ANGPTL5: variants seen among roughly 807,000 people sequenced by gnomAD.
ANGPTL5 encodes the protein angiopoietin-related protein 5.
In ANGPTL5, 34 loss-of-function variants were observed where a neutral mutation model predicts 39.4. The ratio of observed to expected loss-of-function variants is 0.86; its 90% CI spans 0.66 to 1.15. The LOEUF is 1.15. Ranked by LOEUF, ANGPTL5 falls within the 50% of genes most tolerant of loss-of-function variation. ANGPTL5 has a pLI of 0.00. For synonymous variants in ANGPTL5, 146 were observed against 152.1 expected (o/e 0.96, Z 0.29); for missense variants, 467 against 457.5 (o/e 1.02, Z -0.19).
Position 101,902,632 on chromosome 11 carries a change from A to G in ANGPTL5, c.529T>C (p.Tyr177His), listed in dbSNP as rs761782379. 1 of 1,602,204 alleles carries G rather than the reference A, an allele frequency of 6.2e-7. No homozygotes were observed. The highest frequency in any genetic ancestry group is 8.5e-7 in the Non-Finnish European group (1 of 1,169,922). Residue 177 changes from tyrosine to histidine, a missense_variant, in exon 6 of 9, where the codon TAC (tyrosine) becomes CAC (histidine). Tyr to His is a moderately conservative substitution (Grantham distance 83). Transcript: ENST00000334289. ...AATACGGGAAATACCTCAAATGGGT[A>G]GCTAGATCCTTCTGGGTGAATTATG... ...LYIIHPEGSS[Y>H]PFEVMCDMDY...
intron 1 of ANGPTL5, among the ~76,000 whole-genome samples, 183 bp downstream of exon 1, chr11:101,915,836 C>G (rs1361615056): frequency 2.6e-5 from 4 of 152,198 alleles, no homozygotes. Context: ...GTTATCCTAA[C>G]ACAGCCCTAA....
intron 7 of ANGPTL5, among the ~76,000 whole-genome samples, chr11:101,898,487 T>C (rs117545793): frequency 0.027 from 4,186 of 152,300 alleles, 69 homozygotes; most frequent in Middle Eastern, 0.034. Flanking sequence ...TTTTTACACA[T>C]TGATGTTGTG....
At chr11:101,897,424 T>C (rs141741604) in intron 7 of ANGPTL5, among the ~76,000 whole-genome samples, 3,270 of 152,286 alleles carry the variant, frequency 0.021, 110 homozygotes, top group African/African-American at 0.075. Context: ...TCATGAAGTC[T>C]TTGCCCATGC....
At chr11:101,893,841 A>G (rs1034303077) in intron 8 of ANGPTL5, among the ~76,000 whole-genome samples, 2 of 152,192 alleles carry the variant, frequency 1.3e-5, no homozygotes, top group African/African-American at 2.4e-5. Context: ...TCTGTGACCT[A>G]TAATTTTCCT....
At chr11:101,898,470 C>T (rs1193915871) in intron 7 of ANGPTL5, among the ~76,000 whole-genome samples, 1 of 152,066 alleles carries the variant, frequency 6.6e-6, no homozygotes, top group Admixed American at 6.6e-5. Context: ...TATAGGAATT[C>T]TTATGATTTT....
At position 101,900,361 on chromosome 11, in the gene ANGPTL5, A is replaced by G. The variant is rs149078730; in HGVS notation, c.661+69T>C. On this transcript the variant is annotated intron_variant, in intron 7 of 8. Transcript: ENST00000334289. ...TGCTATTTTTACTACAGATCTGACCAATAGAGGCTCTATAGATATAATATC... is the reference window on the plus strand; with the variant it reads ...TGCTATTTTTACTACAGATCTGACCGATAGAGGCTCTATAGATATAATATC... 66 of 1,489,944 alleles carry G rather than the reference A, an allele frequency of 4.4e-5. No homozygotes were observed. The African/African-American group carries it at 8.4e-4, about 19-fold the overall frequency. The allele number at this position is 1,489,944 out of a possible 1,614,324, so 92.3% of individuals were successfully genotyped here.
intron 1 of ANGPTL5, among the ~76,000 whole-genome samples, chr11:101,912,032 C>G (rs1940099712): frequency 6.6e-6 from 1 of 152,216 alleles, no homozygotes; most frequent in South Asian, 2.1e-4. Context: ...GTCTCTATCC[C>G]CCTTCACTAT....
Position 101,895,129 on chromosome 11 carries a change from ATGTT to A in ANGPTL5, c.662-69_662-66del, listed in dbSNP as rs1489806742. On this transcript the variant is annotated intron_variant, in intron 7 of 8. Coordinates refer to ENST00000334289, the MANE Select transcript of ANGPTL5 (RefSeq NM_178127.5). ...AATTAGAATAATGGTTTATTATTGAATGTTTGGTCTTGTTTAGCATTTCAAAAAC... is the reference window on the plus strand; with the variant it reads ...AATTAGAATAATGGTTTATTATTGAATGGTCTTGTTTAGCATTTCAAAAAC... 11 of 1,301,560 alleles carry A rather than the reference ATGTT, an allele frequency of 8.5e-6. No homozygotes were observed. In the African/African-American group the frequency reaches 1.5e-4, roughly 18 times the overall value. 80.6% of individuals were successfully genotyped at this position (1,301,560 alleles called of 1,614,324 possible). A position where few individuals can be genotyped will look rare whatever the true frequency, so the allele number is the denominator to read the frequency against.
intron 7 of ANGPTL5, 115 bp downstream of exon 7, chr11:101,900,315 A>G (rs1277659792): frequency 9.5e-7 from 1 of 1,048,670 alleles, no homozygotes; most frequent in Non-Finnish European, 1.4e-6. Flanking sequence ...TTTAAGTTAT[A>G]TTTTGATATT....
rs12418979 is a variant in ANGPTL5 at position 101,910,959 on chromosome 11, T to C, written c.-92-2958A>G. Among the ~76,000 whole-genome samples the C allele has an allele frequency of 2.5e-3, 379 of 152,182 alleles. 7 individuals carry two copies. The highest frequency in any genetic ancestry group is 0.023 in the Admixed American group (354 of 15,274). On this transcript the variant is annotated intron_variant, in intron 1 of 8. Coordinates refer to ENST00000334289, the MANE Select transcript of ANGPTL5 (RefSeq NM_178127.5). ...AAACTCTCAAATGGATTTCCCTCCA[T>C]TGAAAGTTGGATTTTACATTAAGTC...
chr11:101,894,743 G>A (rs1023373812), intron 8 of ANGPTL5, 136 bp downstream of exon 8: 4 of 883,814 alleles, frequency 4.5e-6, no homozygotes, highest in Non-Finnish European at 5.2e-6. Flanking sequence ...GACTTGGCCA[G>A]CTTTCTTATT....
At chr11:101,904,784 A>G in intron 5 of ANGPTL5, 30 bp downstream of exon 5, 1 of 1,577,760 alleles carries the variant, frequency 6.3e-7, no homozygotes, top group South Asian at 1.1e-5. Flanking sequence ...AAAGACAAAC[A>G]TGAAAAGGCT....
In ANGPTL5 at chr11:101,912,294, G is replaced by A. The variant is rs1940103454; in HGVS notation, c.-93+3725C>T. Among the ~76,000 whole-genome samples the A allele has an allele frequency of 1.3e-5, 2 of 152,196 alleles. 1 individual carries two copies. The highest frequency in any genetic ancestry group is 4.1e-4 in the South Asian group (2 of 4,830). The stretch of plus-strand genomic sequence containing the variant: ...GATGCCCCTTCTGATAAAAAATAGG[G>A]ATTTTAGGGTAACATTCTTCTTTAC... On this transcript the variant is annotated intron_variant, in intron 1 of 8. Coordinates refer to ENST00000334289, the MANE Select transcript of ANGPTL5 (RefSeq NM_178127.5).
intron 3 of ANGPTL5, among the ~76,000 whole-genome samples, chr11:101,906,765 C>T (rs533065573): frequency 9.2e-5 from 14 of 152,236 alleles, no homozygotes; most frequent in African/African-American, 2.6e-4. Flanking sequence ...CTACCTCACT[C>T]TGCTTCCTCT....
At chr11:101,900,334 T>C in intron 7 of ANGPTL5, 96 bp downstream of exon 7, 1 of 1,249,428 alleles carries the variant, frequency 8.0e-7, no homozygotes. Flanking sequence ...TTTGCAAGCA[T>C]TTGCTATTTT....
chr11:101,894,995 TACAGCATAAA>T lies in ANGPTL5; in HGVS notation c.721_730del (p.Phe241MetfsTer21), dbSNP rs1281501709. On this transcript the variant is annotated frameshift_variant, in exon 8 of 9. Coordinates refer to ENST00000334289, the MANE Select transcript of ANGPTL5 (RefSeq NM_178127.5). LOFTEE classifies it high-confidence loss of function. ...GTCATCTTCAGATTCCAAAGCCACATACAGCATAAAACTGGTATTTTTCTGATTTACTATA... is the reference window on the plus strand; with the variant it reads ...GTCATCTTCAGATTCCAAAGCCACATACTGGTATTTTTCTGATTTACTATA... 9 of 1,611,654 alleles carry T rather than the reference TACAGCATAAA, an allele frequency of 5.6e-6. No individual in the cohort carries two copies. Among genetic ancestry groups the T allele is most frequent in the Non-Finnish European group, 7.6e-6 (9 of 1,178,122 alleles).
chr11:101,897,675 T>C (rs1390314370), intron 7 of ANGPTL5, among the ~76,000 whole-genome samples: 3 of 152,114 alleles, frequency 2.0e-5, no homozygotes, highest in Non-Finnish European at 4.4e-5. Flanking sequence ...AGATTTGTGG[T>C]GTTATTTCTG....
At position 101,915,366 on chromosome 11, in the gene ANGPTL5, C is replaced by G. The variant is rs748048053; in HGVS notation, c.-93+653G>C. ...ATCGGACAACCTCGACAGAGCCCCC[C>G]TCGGCCCTCGGGAGAGCGGCGGGCA... On this transcript the variant is annotated intron_variant, in intron 1 of 8. Coordinates refer to ENST00000334289, the MANE Select transcript of ANGPTL5 (RefSeq NM_178127.5). 12 of 1,613,984 alleles carry G rather than the reference C, an allele frequency of 7.4e-6. 1 individual carries two copies. The highest frequency in any genetic ancestry group is 1.1e-5 in the South Asian group (1 of 91,084).
At chr11:101,915,205 C>T in intron 1 of ANGPTL5, 1 of 1,582,038 alleles carries the variant, frequency 6.3e-7, no homozygotes, top group Non-Finnish European at 8.6e-7. Context: ...TAGGGAGGGG[C>T]CGAGCAGGAG....
Sources: allele counts gnomAD v4.1 joint callset (sites outside exome capture counted in the v4.1 genomes callset), GRCh38; gene constraint gnomAD v4.1.1; transcripts MANE v1.5; gene names NCBI Gene and HGNC (gene_info 2026-07-23, HGNC 2026-07-21).